The following ANKS6 variants were observed in gnomAD, a reference collection of about 807,000 sequenced individuals.
The protein encoded by ANKS6 is ankyrin repeat and SAM domain-containing protein 6.
ANKS6 carries 47 observed loss-of-function variants against 77.9 expected under a neutral mutation model. That is an observed-to-expected ratio of 0.60 (90% confidence interval 0.48 to 0.77). The LOEUF (loss-of-function observed/expected upper bound fraction) is 0.77, where lower values mean the gene tolerates loss of function less well. ANKS6 is among the 30% of genes least tolerant of loss of function. The probability of loss-of-function intolerance (pLI) is 0.00; values close to 1 mark genes in which losing one functional copy is unlikely to be tolerated. For synonymous variants in ANKS6, 488 were observed against 501.7 expected (o/e 0.97, Z 0.37); for missense variants, 1,150 against 1,159.1 (o/e 0.99, Z 0.11).
chr9:98,781,239 A>C (rs1023111419), intron 5 of ANKS6, among the ~76,000 whole-genome samples: 4 of 152,126 alleles, frequency 2.6e-5, no homozygotes, highest in Non-Finnish European at 5.9e-5. Context: ...AATAGGCATG[A>C]GTTTCTTCAA....
At chr9:98,755,217 T>G (rs1056385691) in intron 12 of ANKS6, among the ~76,000 whole-genome samples, 1 of 152,176 alleles carries the variant, frequency 6.6e-6, no homozygotes, top group Admixed American at 6.5e-5. Flanking sequence ...CAGCAGAACC[T>G]GCTCAGCACC....
At chr9:98,753,523 A>C (rs1178020240) in intron 12 of ANKS6, among the ~76,000 whole-genome samples, 1 of 152,126 alleles carries the variant, frequency 6.6e-6, no homozygotes, top group African/African-American at 2.4e-5. Context: ...ACAACAAATC[A>C]AGCCCCGGAT....
chr9:98,756,394 G>C, intron 12 of ANKS6, 26 bp downstream of exon 12: 1 of 1,604,624 alleles, frequency 6.2e-7, no homozygotes, highest in Non-Finnish European at 8.5e-7. Flanking sequence ...GGAATAGGTG[G>C]GGTTTCAGGC....
At chr9:98,784,547 AGAGACTG>A in intron 3 of ANKS6, 1 of 437,676 alleles carries the variant, frequency 2.3e-6, no homozygotes, top group African/African-American at 2.0e-5. Context: ...TTTGTCACAA[AGAGACTG>A]GAGTGGGTAT....
rs770790020 is a variant in ANKS6, at chr9:98,733,338, A to G, written c.*3181T>C. Reference sequence around the variant, plus strand: ...ATCCAGCACTCACGACACACCAGCAAGACACTGCCTGGGTGCTGGGAAACA... The same window carrying G: ...ATCCAGCACTCACGACACACCAGCAGGACACTGCCTGGGTGCTGGGAAACA... On this transcript the variant is annotated 3_prime_UTR_variant, in exon 15 of 15. Coordinates refer to ENST00000353234, the MANE Select transcript of ANKS6 (RefSeq NM_173551.5). 2.3e-5 allele frequency: 23 copies of G among 985,402 alleles called. No homozygotes were observed. The highest frequency in any genetic ancestry group is 2.8e-5 in the Non-Finnish European group (23 of 829,990). The allele number at this position is 985,402 out of a possible 1,614,324, so 61.0% of individuals were successfully genotyped here. A position where few individuals can be genotyped will look rare whatever the true frequency, so the allele number is the denominator to read the frequency against.
chr9:98,795,920 G>C, intron 1 of ANKS6: 1 of 461,518 alleles, frequency 2.2e-6, no homozygotes, highest in Non-Finnish European at 3.5e-6. Context: ...TATTCTGAAA[G>C]GCCAAAATTT....
intron 14 of ANKS6, among the ~76,000 whole-genome samples, chr9:98,743,863 G>A (rs1831975067): frequency 6.6e-6 from 1 of 152,188 alleles, no homozygotes; most frequent in Non-Finnish European, 1.5e-5. Flanking sequence ...ATAAATCAAT[G>A]CCCCAGTCTT....
intron 2 of ANKS6, among the ~76,000 whole-genome samples, chr9:98,787,634 G>A (rs1834647503): frequency 1.3e-5 from 2 of 152,128 alleles, no homozygotes; most frequent in South Asian, 2.1e-4. Context: ...ATTGGATGTC[G>A]TCTATGTGCC....
chr9:98,734,918 A>AT lies in ANKS6; in HGVS notation c.*1600dup. ...CTTCTGTGAGTGTAAGGCTGAGAGA[A>AT]TTTAAAGGAAAAACACCCAACCATC... On this transcript the variant is annotated 3_prime_UTR_variant, in exon 15 of 15. Transcript: ENST00000353234. The AT allele has an allele frequency of 1.0e-6, 1 of 985,478 alleles. No homozygotes were observed. Among genetic ancestry groups the AT allele is most frequent in the Non-Finnish European group, 1.2e-6 (1 of 829,948 alleles). 61.0% of individuals were successfully genotyped at this position (985,478 alleles called of 1,614,324 possible).
At chr9:98,792,076 C>T (rs918476474) in intron 1 of ANKS6, among the ~76,000 whole-genome samples, 1 of 152,170 alleles carries the variant, frequency 6.6e-6, no homozygotes. Context: ...TCTGTCACTC[C>T]CCAGCTTCTG....
Position 98,790,590 on chromosome 9 carries a change from C to G in ANKS6, c.376G>C (p.Val126Leu). The change falls in exon 2 of 15, where the codon GTG becomes CTG. Residue 126 changes from valine (V) to leucine (L), a missense_variant. Val to Leu is a conservative substitution (Grantham distance 32). Coordinates refer to ENST00000353234, the MANE Select transcript of ANKS6 (RefSeq NM_173551.5). ...CCGTGATCCAACAGGAGGTGTGCCA[C>G]ACTCACATGCCCAAATCTGCCAGGA... Reference protein sequence around the residue: ...MQAARFGHVSVAHLLLDHGAD... With the variant: ...MQAARFGHVSLAHLLLDHGAD... 1 of 1,601,220 alleles carries G rather than the reference C, an allele frequency of 6.2e-7. No individual in the cohort carries two copies. The highest frequency in any genetic ancestry group is 2.3e-5 in the East Asian group (1 of 44,438).
At chr9:98,744,034 G>A (rs561635311) in intron 14 of ANKS6, among the ~76,000 whole-genome samples, 3 of 152,288 alleles carry the variant, frequency 2.0e-5, no homozygotes, top group African/African-American at 4.8e-5. Context: ...CAGAGCAGAA[G>A]CGGTGCTGGT....
intron 12 of ANKS6, 129 bp downstream of exon 12, chr9:98,756,291 G>A: frequency 2.0e-6 from 2 of 999,902 alleles, no homozygotes; most frequent in Non-Finnish European, 2.8e-6. Context: ...GGAGGGACAT[G>A]TTTGTCGTAA....
At chr9:98,739,599 C>T (rs1831702579) in intron 14 of ANKS6, among the ~76,000 whole-genome samples, 2 of 152,124 alleles carry the variant, frequency 1.3e-5, no homozygotes, top group African/African-American at 4.8e-5. Flanking sequence ...AGACACAAAG[C>T]TGTCCATTGC....
chr9:98,734,889 T>G lies in ANKS6; in HGVS notation c.*1630A>C. ...ACTTTGTCTTCAGTCCTGTGGAAAG[T>G]TGGCTTCTGTGAGTGTAAGGCTGAG... is the stretch of plus-strand genomic sequence containing the variant. On this transcript the variant is annotated 3_prime_UTR_variant, in exon 15 of 15. Transcript: ENST00000353234. The G allele has an allele frequency of 1.0e-6, 1 of 985,424 alleles. No homozygotes were observed. The highest frequency in any genetic ancestry group is 1.2e-6 in the Non-Finnish European group (1 of 829,936). 61.0% of individuals were successfully genotyped at this position (985,424 alleles called of 1,614,324 possible).
chr9:98,789,817 C>A, intron 2 of ANKS6: 1 of 377,588 alleles, frequency 2.6e-6, no homozygotes, highest in Non-Finnish European at 4.7e-6. Flanking sequence ...TAGAAGGGCC[C>A]CAGAACCACC....
chr9:98,778,402 T>C lies in ANKS6; in HGVS notation c.1391A>G (p.Asn464Ser), dbSNP rs201104087. 207 of 1,613,960 alleles carry C rather than the reference T, an allele frequency of 1.3e-4. No homozygotes were observed. Among genetic ancestry groups the C allele is most frequent in the East Asian group, 9.1e-4 (41 of 44,860 alleles). The stretch of plus-strand genomic sequence containing the variant: ...CATCAGTTTGAGCTTTCGGAACCGA[T>C]TGGACATTCGGTTCCACCAGGACTG... ...GLKSWWNRMS[N>S]RFRKLKLMQT... is the part of the protein sequence containing the mutation. The change falls in exon 7 of 15, where the codon AAT (asparagine) becomes AGT (serine). Residue 464 changes from asparagine (N) to serine (S), a missense_variant. Asn to Ser is a conservative substitution (Grantham distance 46). Transcript: ENST00000353234.
In ANKS6 at chr9:98,732,591, A is replaced by C. The variant is rs1337167220; in HGVS notation, c.*3928T>G. ...AGAAGGGAGAGAAGAAAGAGAGATGAGAGATGAAAGGATTTAAAATGGGCA... is the reference window on the plus strand; with the variant it reads ...AGAAGGGAGAGAAGAAAGAGAGATGCGAGATGAAAGGATTTAAAATGGGCA... On this transcript the variant is annotated 3_prime_UTR_variant, in exon 15 of 15. Transcript: ENST00000353234. 5.8e-6 allele frequency: 9 copies of C among 1,550,444 alleles called. No homozygotes were observed. Among genetic ancestry groups the C allele is most frequent in the African/African-American group, 1.4e-5 (1 of 73,180 alleles).
At chr9:98,750,027 A>G (rs1832342856) in intron 13 of ANKS6, among the ~76,000 whole-genome samples, 1 of 152,250 alleles carries the variant, frequency 6.6e-6, no homozygotes. Flanking sequence ...TAATTCATCT[A>G]CCATAAAATT....
Sources: gnomAD v4.1 joint callset for allele counts (sites outside exome capture counted in the v4.1 genomes callset) on GRCh38, gnomAD v4.1.1 for gene constraint, MANE v1.5 for transcripts, NCBI Gene and HGNC (gene_info 2026-07-23, HGNC 2026-07-21) for gene names.